Variants in SPECC1 observed in about 807,000 individuals in gnomAD.
SPECC1 encodes the protein sperm antigen with calponin homology and coiled-coil domains 1.
SPECC1 carries 62 observed loss-of-function variants against 104.1 expected under a neutral mutation model. That is an observed-to-expected ratio of 0.60 (90% confidence interval 0.49 to 0.74). The LOEUF (loss-of-function observed/expected upper bound fraction) is 0.74. Among genes scored for constraint, SPECC1 ranks in the 30% least tolerant of loss-of-function variants. The pLI is 0.00. For synonymous variants in SPECC1, 513 were observed against 501.6 expected (o/e 1.02, Z -0.30); for missense variants, 1,306 against 1,310.5 (o/e 1.00, Z 0.05).
At chr17:20,277,198 G>A (rs1425438394) in intron 12 of SPECC1, among the ~76,000 whole-genome samples, 1 of 152,176 alleles carries the variant, frequency 6.6e-6, no homozygotes, top group Admixed American at 6.5e-5. Flanking sequence ...GGACATGCCT[G>A]GACACTTGGG....
chr17:20,026,970 T>A (rs569794543), intron 1 of SPECC1, among the ~76,000 whole-genome samples: 7 of 152,282 alleles, frequency 4.6e-5, no homozygotes, highest in African/African-American at 1.7e-4. Context: ...TTTTTGATAG[T>A]AGCCATTCTA....
chr17:20,238,066 C>T, intron 7 of SPECC1: 1 of 1,024,348 alleles, frequency 9.8e-7, no homozygotes, highest in Non-Finnish European at 1.2e-6. Flanking sequence ...TTGATTGAGC[C>T]CCTTCACTTG....
intron 7 of SPECC1, 192 bp downstream of exon 7, chr17:20,232,597 A>G (rs1037298473): frequency 3.0e-6 from 2 of 669,472 alleles, no homozygotes; most frequent in Non-Finnish European, 2.5e-6. Flanking sequence ...GCTGCAGCAT[A>G]AGAGGCTGCT....
intron 1 of SPECC1, among the ~76,000 whole-genome samples, chr17:20,036,462 T>A (rs2045085007): frequency 6.6e-6 from 1 of 152,190 alleles, no homozygotes; most frequent in East Asian, 1.9e-4. Context: ...ACAGATAAAA[T>A]TGTGTGTATT....
intron 3 of SPECC1, among the ~76,000 whole-genome samples, chr17:20,194,504 T>TATTTTTTTTTTTTTATTTTTTTA (rs1323092323): frequency 9.3e-6 from 1 of 107,690 alleles, no homozygotes; most frequent in South Asian, 3.7e-4. Context: ...GAGAACGAAT[T>TATTTTTTTTTTTTTATTTTTTTA]TTTTTTTTTT....
In SPECC1 at chr17:20,056,044, T is replaced by C. The variant is rs929468323; in HGVS notation, c.-21-40587T>C. ...GGATTTCTGTTAGCTAGATCTCTCA[T>C]AAATTCCAAGTCTTAGTTTGGGATG... On this transcript the variant is annotated intron_variant, in intron 1 of 14. Coordinates refer to ENST00000395527, the MANE Select transcript of SPECC1 (RefSeq NM_001243439.2). 4.6e-5 allele frequency among the ~76,000 whole-genome samples: 7 copies of C among 152,334 alleles called. No individual in the cohort carries two copies. In the East Asian group the frequency reaches 9.6e-4, roughly 21 times the overall value.
chr17:20,067,018 T>G (rs938653022), intron 1 of SPECC1, among the ~76,000 whole-genome samples: 3 of 151,738 alleles, frequency 2.0e-5, no homozygotes, highest in Non-Finnish European at 4.4e-5. Flanking sequence ...GCCAAAGTGC[T>G]GAGATTCTAG....
chr17:20,027,085 G>C (rs933719751), intron 1 of SPECC1, among the ~76,000 whole-genome samples: 2 of 151,962 alleles, frequency 1.3e-5, no homozygotes, highest in Non-Finnish European at 2.9e-5. Context: ...TACTTGCAAG[G>C]CTCCCAGAAT....
In SPECC1 at chr17:20,194,502, A is replaced by ATTATTTTTTTTTTTT; in HGVS notation, c.284-9829_284-9828insATTTTTTTTTTTTTT. Among the ~76,000 whole-genome samples the ATTATTTTTTTTTTTT allele has an allele frequency of 1.2e-3, 105 of 86,524 alleles. 10 individuals are homozygous for ATTATTTTTTTTTTTT. Among genetic ancestry groups the ATTATTTTTTTTTTTT allele is most frequent in the East Asian group, 3.5e-3 (9 of 2,564 alleles). 56.8% of individuals were successfully genotyped at this position (86,524 alleles called of 152,430 possible). A position where few individuals can be genotyped will look rare whatever the true frequency, so the allele number is the denominator to read the frequency against. ...TGTGTTCTGTTAGAAAAGAGAACGA[A>ATTATTTTTTTTTTTT]TTTTTTTTTTTTTTTTTTTTTTTGA... On this transcript the variant is annotated intron_variant, in intron 3 of 14. Coordinates refer to ENST00000395527, the MANE Select transcript of SPECC1 (RefSeq NM_001243439.2).
chr17:20,310,829 T>A (rs1261335439), intron 14 of SPECC1, among the ~76,000 whole-genome samples: 1 of 152,244 alleles, frequency 6.6e-6, no homozygotes. Flanking sequence ...AAATAGCTAA[T>A]TTGTGCTTGA....
chr17:20,246,207 G>A, intron 8 of SPECC1, 136 bp downstream of exon 8: 6 of 976,238 alleles, frequency 6.1e-6, no homozygotes, highest in Non-Finnish European at 9.0e-6. Context: ...CCTACCACGT[G>A]CAGCCACTGC....
intron 4 of SPECC1, among the ~76,000 whole-genome samples, chr17:20,214,611 G>A (rs944158196): frequency 1.3e-5 from 2 of 152,180 alleles, no homozygotes; most frequent in African/African-American, 2.4e-5. Context: ...GGGTTCAAGC[G>A]ATTCTCCTGC....
chr17:20,010,113 C>A (rs1211942835), intron 1 of SPECC1: 1 of 151,764 alleles, frequency 6.6e-6, no homozygotes, highest in African/African-American at 2.4e-5. Context: ...TTCCCCAGTG[C>A]CCATGCAAGG....
intron 8 of SPECC1, among the ~76,000 whole-genome samples, chr17:20,246,525 A>G (rs887971862): frequency 2.0e-5 from 3 of 151,982 alleles, no homozygotes; most frequent in African/African-American, 7.3e-5. Context: ...ACGTTTTTCT[A>G]CCTGGTCTTG....
At chr17:20,053,955 C>T (rs543001287) in intron 1 of SPECC1, among the ~76,000 whole-genome samples, 49 of 152,328 alleles carry the variant, frequency 3.2e-4, no homozygotes, top group African/African-American at 1.1e-3. Flanking sequence ...TATTCCCAGT[C>T]GTAGGGAAAG....
intron 3 of SPECC1, among the ~76,000 whole-genome samples, chr17:20,203,141 C>T (rs1270229459): frequency 6.6e-6 from 1 of 152,050 alleles, no homozygotes; most frequent in Non-Finnish European, 1.5e-5. Flanking sequence ...CATTCCCTCC[C>T]GTGCCCTTCC....
chr17:20,015,953 T>TATTAA (rs1362781237), intron 1 of SPECC1, among the ~76,000 whole-genome samples: 1 of 146,210 alleles, frequency 6.8e-6, no homozygotes, highest in East Asian at 2.2e-4. Flanking sequence ...GGCTCACGTC[T>TATTAA]GTAATCCCAG....
intron 4 of SPECC1, among the ~76,000 whole-genome samples, chr17:20,222,675 T>C (rs1048814081): frequency 1.3e-5 from 2 of 152,254 alleles, no homozygotes; most frequent in South Asian, 2.1e-4. Context: ...TGTTAAAATA[T>C]TCTGTATTTG....
At chr17:20,309,253 A>G (rs868258856) in intron 14 of SPECC1, among the ~76,000 whole-genome samples, 2 of 152,208 alleles carry the variant, frequency 1.3e-5, no homozygotes, top group Admixed American at 6.5e-5. Context: ...TTAAAACTAC[A>G]CCCAGTCAGA....
Sources: allele counts gnomAD v4.1 joint callset (sites outside exome capture counted in the v4.1 genomes callset), GRCh38; gene constraint gnomAD v4.1.1; transcripts MANE v1.5; gene names NCBI Gene and HGNC (gene_info 2026-07-23, HGNC 2026-07-21).